Variants in IL36B observed in about 807,000 individuals in gnomAD.
IL36B encodes interleukin 36 beta.
In IL36B, 23 loss-of-function variants were observed where a neutral mutation model predicts 19.3. That is an observed-to-expected ratio of 1.19 (90% CI 0.86 to 1.69). The LOEUF is 1.69. Among genes scored for constraint, IL36B ranks in the 40% most tolerant of loss-of-function variants. The pLI, the probability that IL36B is intolerant of heterozygous loss-of-function variation, is 0.00. For synonymous variants in IL36B, 59 were observed against 59.7 expected (o/e 0.99, Z 0.05); for missense variants, 217 against 200.5 (o/e 1.08, Z -0.50).
chr2:113,037,122 C>T (rs768270291), intron 1 of IL36B, among the ~76,000 whole-genome samples: 9 of 152,230 alleles, frequency 5.9e-5, no homozygotes, highest in Non-Finnish European at 7.3e-5. Flanking sequence ...CCATGATGAG[C>T]GTGAGCATCT....
rs992185930 is a variant in IL36B, at chr2:113,026,351, G to C, written c.262-119C>G. 3.4e-6 allele frequency: 5 copies of C among 1,472,050 alleles called. No homozygotes were observed. In the Admixed American group the frequency reaches 1.1e-4, roughly 31 times the overall value. 91.2% of individuals were successfully genotyped at this position (1,472,050 alleles called of 1,614,324 possible). ...GCCTGCATACAGCATGTAAGGTGGG[G>C]TTCAGGAGTATCCCAAAGAGAATGC... On this transcript the variant is annotated intron_variant, in intron 4 of 5. Transcript: ENST00000259213.
chr2:113,033,924 A>G (rs1022229587), intron 1 of IL36B, among the ~76,000 whole-genome samples: 8 of 151,724 alleles, frequency 5.3e-5, no homozygotes, highest in Admixed American at 3.9e-4. Context: ...ACTCCCAATC[A>G]CTCTTTGTGG....
intron 1 of IL36B, among the ~76,000 whole-genome samples, chr2:113,035,570 T>C (rs1394640233): frequency 6.6e-6 from 1 of 151,864 alleles, no homozygotes; most frequent in Non-Finnish European, 1.5e-5. Context: ...GAGGACCTGA[T>C]ATCCAGTGAG....
At chr2:113,027,800 G>A in intron 4 of IL36B, 1 of 1,515,602 alleles carries the variant, frequency 6.6e-7, no homozygotes, top group East Asian at 2.4e-5. Context: ...AGCTATGGAT[G>A]GGCTGAACTG....
chr2:113,042,495 C>T (rs1037363483), intron 1 of IL36B, among the ~76,000 whole-genome samples: 5 of 152,202 alleles, frequency 3.3e-5, no homozygotes, highest in African/African-American at 4.8e-5. Flanking sequence ...TCCCATCCCC[C>T]GTCCTATTCA....
At chr2:113,030,919 T>G in intron 3 of IL36B, 129 bp downstream of exon 3, 1 of 670,714 alleles carries the variant, frequency 1.5e-6, no homozygotes, top group Non-Finnish European at 2.7e-6. Context: ...TCACTTGACC[T>G]TCCTGTGGCT....
At chr2:113,032,756 C>T (rs1021645889) in intron 1 of IL36B, among the ~76,000 whole-genome samples, 2 of 151,250 alleles carry the variant, frequency 1.3e-5, no homozygotes, top group Non-Finnish European at 2.9e-5. Flanking sequence ...ACTCCCAGGC[C>T]CCTTAATGAC....
chr2:113,031,159 C>T lies in IL36B; in HGVS notation c.14-4G>A. 6.2e-7 allele frequency: 1 copy of T among 1,607,322 alleles called. No individual in the cohort carries two copies. The highest frequency in any genetic ancestry group is 8.5e-7 in the Non-Finnish European group (1 of 1,173,866). On this transcript the variant is annotated splice_region_variant and splice_polypyrimidine_tract_variant and intron_variant, in intron 2 of 5. Coordinates refer to ENST00000259213, the MANE Select transcript of IL36B (RefSeq NM_014438.5). The stretch of plus-strand genomic sequence containing the variant: ...TAGGATTTGGGTGCTGCCTCCCCTG[C>T]CAGATGACAAAAATGCACAAAATAC...
chr2:113,029,315 T>C (rs1685025161), intron 3 of IL36B, among the ~76,000 whole-genome samples: 1 of 152,110 alleles, frequency 6.6e-6, no homozygotes, highest in East Asian at 1.9e-4. Flanking sequence ...TGCAGCAAAA[T>C]GTGGTCATAT....
intron 1 of IL36B, among the ~76,000 whole-genome samples, chr2:113,037,894 A>G (rs1685190016): frequency 1.3e-5 from 2 of 152,208 alleles, no homozygotes; most frequent in African/African-American, 4.8e-5. Flanking sequence ...ATTAGGTCAG[A>G]TTAATTAAAG....
intron 1 of IL36B, among the ~76,000 whole-genome samples, chr2:113,043,643 C>T (rs990102473): frequency 6.6e-6 from 1 of 152,118 alleles, no homozygotes; most frequent in Non-Finnish European, 1.5e-5. Context: ...TCTCTGCAAC[C>T]TCCGCTCCCC....
At chr2:113,028,042 C>G in intron 4 of IL36B, 1 of 1,614,018 alleles carries the variant, frequency 6.2e-7, no homozygotes, top group South Asian at 1.1e-5. Context: ...AGAAGTGGAG[C>G]CTTCTTTATT....
At chr2:113,045,098 A>G (rs924437290) in intron 1 of IL36B, among the ~76,000 whole-genome samples, 4 of 152,206 alleles carry the variant, frequency 2.6e-5, no homozygotes, top group Admixed American at 6.5e-5. Flanking sequence ...AAAATCTCAC[A>G]TATGTATAAA....
chr2:113,029,970 C>T (rs923583233), intron 3 of IL36B, among the ~76,000 whole-genome samples: 4 of 152,170 alleles, frequency 2.6e-5, no homozygotes, highest in South Asian at 2.1e-4. Flanking sequence ...CGGTGGCTCA[C>T]GCCTGTAATC....
At chr2:113,047,441 T>A (rs1338221698) in intron 1 of IL36B, among the ~76,000 whole-genome samples, 2 of 152,240 alleles carry the variant, frequency 1.3e-5, no homozygotes, top group East Asian at 3.8e-4. Context: ...CTAGGGAGGC[T>A]CAACTTGTAC....
At chr2:113,030,971 C>CTTAT (rs1685064076) in intron 3 of IL36B, 77 bp downstream of exon 3, 3 of 1,086,166 alleles carry the variant, frequency 2.8e-6, no homozygotes, top group Non-Finnish European at 4.3e-6. Flanking sequence ...CAGGGCCAGG[C>CTTAT]TTATGCAAGC....
intron 1 of IL36B, among the ~76,000 whole-genome samples, chr2:113,043,686 T>C (rs967385404): frequency 6.6e-6 from 1 of 152,186 alleles, no homozygotes; most frequent in Non-Finnish European, 1.5e-5. Context: ...TCCAAGTAGC[T>C]GGGATTACAG....
chr2:113,030,026 T>C (rs1685043815), intron 3 of IL36B, among the ~76,000 whole-genome samples: 1 of 151,976 alleles, frequency 6.6e-6, no homozygotes, highest in Admixed American at 6.6e-5. Context: ...AGGTCAGGGG[T>C]TCGAGACCAG....
chr2:113,041,197 AC>A (rs1342476196), intron 1 of IL36B, among the ~76,000 whole-genome samples: 1 of 152,148 alleles, frequency 6.6e-6, no homozygotes, highest in Non-Finnish European at 1.5e-5. Context: ...AAAATGCCAA[AC>A]AAGCTTGGAG....
Sources: gnomAD v4.1 joint callset for allele counts (sites outside exome capture counted in the v4.1 genomes callset) on GRCh38, gnomAD v4.1.1 for gene constraint, MANE v1.5 for transcripts, NCBI Gene and HGNC (gene_info 2026-07-23, HGNC 2026-07-21) for gene names.